ZNF236: variants seen among roughly 807,000 people sequenced by gnomAD.
ZNF236 encodes regulated by glucose.
In ZNF236, 50 loss-of-function variants were observed where a neutral mutation model predicts 191.2. The observed-to-expected ratio is 0.26, with a 90% CI of 0.21 to 0.33. ZNF236 has a LOEUF of 0.33. Ranked by LOEUF, ZNF236 falls within the 10% of genes least tolerant of loss-of-function variation. The pLI is 1.00. For synonymous variants in ZNF236, 907 were observed against 928.8 expected (o/e 0.98, Z 0.43); for missense variants, 1,754 against 2,374.5 (o/e 0.74, Z 5.43).
chr18:76,868,315 C>T (rs1048179227), intron 3 of ZNF236, among the ~76,000 whole-genome samples: 6 of 152,180 alleles, frequency 3.9e-5, no homozygotes, highest in Non-Finnish European at 5.9e-5. Context: ...GAATTCTTTC[C>T]TGACCCTTTG....
chr18:76,965,579 C>G (rs1466801298), intron 30 of ZNF236, among the ~76,000 whole-genome samples: 2 of 152,330 alleles, frequency 1.3e-5, no homozygotes, highest in Admixed American at 1.3e-4. Flanking sequence ...CTACGGGGTT[C>G]TCTTGATATA....
At chr18:76,943,771 C>A (rs1968195318) in intron 26 of ZNF236, among the ~76,000 whole-genome samples, 2 of 152,174 alleles carry the variant, frequency 1.3e-5, no homozygotes, top group South Asian at 4.1e-4. Flanking sequence ...TTAAAGCTTT[C>A]TTAATTTTGT....
chr18:76,963,670 C>T (rs1599431433), intron 30 of ZNF236, among the ~76,000 whole-genome samples: 1 of 152,146 alleles, frequency 6.6e-6, no homozygotes, highest in Non-Finnish European at 1.5e-5. Flanking sequence ...CTTTGAATGC[C>T]TGGTAGAATT....
chr18:76,882,501 C>T (rs140460254), intron 9 of ZNF236, among the ~76,000 whole-genome samples: 3 of 152,344 alleles, frequency 2.0e-5, no homozygotes, highest in East Asian at 1.9e-4. Flanking sequence ...GAATTTACTA[C>T]ATCTTTCTTG....
chr18:76,956,401 G>T (rs1427811685), intron 28 of ZNF236, among the ~76,000 whole-genome samples: 1 of 152,210 alleles, frequency 6.6e-6, no homozygotes. Flanking sequence ...CAATCAATTT[G>T]CAAGACAAAC....
chr18:76,960,904 C>A lies in ZNF236; in HGVS notation c.5419+49C>A, dbSNP rs750966636. On this transcript the variant is annotated intron_variant, in intron 30 of 30. Coordinates refer to ENST00000320610, the MANE Select transcript of ZNF236 (RefSeq NM_001306089.2). The surrounding 1 kb of genome is among the most constrained non-coding windows in gnomAD (Gnocchi z 4.4). ...GCGTGCTGTTCGGTGGCCTGCGAGG[C>A]ACCCTGTGTTTCGCATACATTGTTT... 6.4e-7 allele frequency: 1 copy of A among 1,550,454 alleles called. No individual in the cohort carries two copies. Among genetic ancestry groups the A allele is most frequent in the African/African-American group, 1.4e-5 (1 of 73,086 alleles).
intron 9 of ZNF236, chr18:76,887,468 C>T (rs1407191695): frequency 1.3e-5 from 2 of 152,190 alleles, no homozygotes; most frequent in Non-Finnish European, 2.9e-5. Context: ...TATCCAGTCA[C>T]GTGCTTCTAT....
chr18:76,960,586 A>C lies in ZNF236; in HGVS notation c.5243-93A>C. The C allele has an allele frequency of 6.8e-7, 1 of 1,461,146 alleles. No homozygotes were observed. Among genetic ancestry groups the C allele is most frequent in the Non-Finnish European group, 9.5e-7 (1 of 1,053,722 alleles). The allele number at this position is 1,461,146 out of a possible 1,614,324, so 90.5% of individuals were successfully genotyped here. A position where few individuals can be genotyped will look rare whatever the true frequency, so the allele number is the denominator to read the frequency against. On this transcript the variant is annotated intron_variant, in intron 29 of 30. Transcript: ENST00000320610. The surrounding 1 kb of genome is among the most constrained non-coding windows in gnomAD (Gnocchi z 4.4). ...GCTGAAAGCCTAAAAGAAAAGAGGA[A>C]CATTCAGTCCCTCTTGTTCATACCT...
Position 76,851,772 on chromosome 18 carries a change from T to A in ZNF236, c.199-3T>A, listed in dbSNP as rs1408362725. The A allele has an allele frequency of 1.9e-6, 3 of 1,605,578 alleles. No individual in the cohort carries two copies. Among genetic ancestry groups the A allele is most frequent in the Non-Finnish European group, 2.5e-6 (3 of 1,177,032 alleles). On this transcript the variant is annotated splice_polypyrimidine_tract_variant and splice_region_variant and intron_variant, in intron 2 of 30. Coordinates refer to ENST00000320610, the MANE Select transcript of ZNF236 (RefSeq NM_001306089.2). Reference sequence around the variant, plus strand: ...TGGCTTCTTCACTTTTCTCTCCAAATAGCCACATCGATGTGACCAGTGCCC... The same window carrying A: ...TGGCTTCTTCACTTTTCTCTCCAAAAAGCCACATCGATGTGACCAGTGCCC...
rs765622862 is a variant in ZNF236, at chr18:76,927,317, A to G, written c.4214A>G (p.Asn1405Ser). ...CTGCAGCAGACGCTACAGCAGGGCAACCTATTGGCTCAGCAGCTCACGGGG... is the reference window on the plus strand; with the variant it reads ...CTGCAGCAGACGCTACAGCAGGGCAGCCTATTGGCTCAGCAGCTCACGGGG... ...SILQQTLQQG[N>S]LLAQQLTGEP... The change falls in exon 24 of 31, where the codon AAC (asparagine) becomes AGC (serine). Residue 1405 changes from asparagine (N) to serine (S), a missense_variant. Asn to Ser is a conservative substitution (Grantham distance 46). Transcript: ENST00000320610. This position sits in a 1 kb window ranked among gnomAD's most constrained non-coding sequence, Gnocchi z 5.4. 2.4e-5 allele frequency: 38 copies of G among 1,614,082 alleles called. No individual in the cohort carries two copies. Among genetic ancestry groups the G allele is most frequent in the Non-Finnish European group, 3.2e-5 (38 of 1,180,006 alleles).
chr18:76,837,260 C>G (rs1190837927), intron 1 of ZNF236, among the ~76,000 whole-genome samples: 1 of 151,738 alleles, frequency 6.6e-6, no homozygotes, highest in Non-Finnish European at 1.5e-5. Flanking sequence ...TTATTTGTAG[C>G]TTTTCGTGTC....
rs201353712 is a variant in ZNF236 at position 76,904,422 on chromosome 18, A to G, written c.1937A>G (p.Tyr646Cys). The G allele has an allele frequency of 4.3e-6, 7 of 1,609,354 alleles. No individual in the cohort carries two copies. The highest frequency in any genetic ancestry group is 5.9e-6 in the Non-Finnish European group (7 of 1,178,152). ...CCAAAAAACCAGTTTTTCCAAAGCT[A>G]TTTCAATAATAATTTTGTCAATGAA... ...PIPKNQFFQS[Y>C]FNNNFVNEAD... The change falls in exon 12 of 31, where the codon TAT (tyrosine) becomes TGT (cysteine). Residue 646 changes from tyrosine to cysteine, a missense_variant. This residue lies in a region of ZNF236 where 641 missense variants were observed against 869.6 expected (regional missense o/e 0.74). Coordinates refer to ENST00000320610, the MANE Select transcript of ZNF236 (RefSeq NM_001306089.2).
At chr18:76,840,994 A>C (rs1182308833) in intron 1 of ZNF236, 1 of 149,514 alleles carries the variant, frequency 6.7e-6, no homozygotes, top group African/African-American at 2.5e-5. Flanking sequence ...GCTGGAGTGC[A>C]GTGGTGCAAT....
intron 25 of ZNF236, among the ~76,000 whole-genome samples, chr18:76,932,587 G>A (rs1026634076): frequency 1.3e-5 from 2 of 152,186 alleles, no homozygotes; most frequent in Admixed American, 6.5e-5. Context: ...GTAGTCGCTC[G>A]TGGTGCAGGG....
At chr18:76,881,983 C>T (rs1001598307) in intron 9 of ZNF236, among the ~76,000 whole-genome samples, 4 of 152,210 alleles carry the variant, frequency 2.6e-5, no homozygotes, top group Non-Finnish European at 5.9e-5. Flanking sequence ...TCCTCCACAC[C>T]TCACCATTTC....
chr18:76,877,872 G>A (rs961620883), intron 6 of ZNF236, 137 bp from the exon 7 acceptor site: 2 of 617,742 alleles, frequency 3.2e-6, no homozygotes, highest in African/African-American at 3.7e-5. Flanking sequence ...TAATTTAAAA[G>A]AAAAAAGGTA....
intron 9 of ZNF236, among the ~76,000 whole-genome samples, chr18:76,882,949 A>G (rs1207235040): frequency 6.6e-6 from 1 of 152,234 alleles, no homozygotes; most frequent in Non-Finnish European, 1.5e-5. Context: ...CCCACGGGCT[A>G]CTGTCTCTAG....
chr18:76,901,221 G>T (rs952940713), intron 11 of ZNF236, among the ~76,000 whole-genome samples: 1 of 152,134 alleles, frequency 6.6e-6, no homozygotes, highest in Non-Finnish European at 1.5e-5. Flanking sequence ...AGAAAATATA[G>T]ATGACTTGTC....
intron 10 of ZNF236, among the ~76,000 whole-genome samples, chr18:76,896,777 A>T (rs1323112383): frequency 1.3e-5 from 2 of 151,918 alleles, no homozygotes; most frequent in Non-Finnish European, 2.9e-5. Flanking sequence ...GCACACAGGT[A>T]CTGCATACAG....
Sources: allele counts gnomAD v4.1 joint callset (sites outside exome capture counted in the v4.1 genomes callset), GRCh38; gene constraint gnomAD v4.1.1; regional missense constraint gnomAD v4.1.1; non-coding constraint Gnocchi (gnomAD v3.1); transcripts MANE v1.5; gene names NCBI Gene and HGNC (gene_info 2026-07-23, HGNC 2026-07-21).